GRIA3: variants seen among roughly 807,000 people sequenced by gnomAD.
The protein encoded by GRIA3 is glutamate ionotropic receptor AMPA type subunit 3.
A neutral mutation model predicts 63.0 loss-of-function variants in GRIA3; 3 were observed. The ratio of observed to expected loss-of-function variants is 0.05; its 90% CI spans 0.02 to 0.12. GRIA3 has a LOEUF of 0.12. GRIA3 is among the 10% of genes least tolerant of loss of function. GRIA3 has a pLI of 1.00. For synonymous variants in GRIA3, 274 were observed against 257.9 expected (o/e 1.06, Z -0.60); for missense variants, 347 against 700.9 (o/e 0.50, Z 5.70).
intron 2 of GRIA3, among the ~76,000 whole-genome samples, chrX:123,229,395 CT>C (rs1407948754): frequency 8.9e-6 from 1 of 111,948 alleles, no homozygotes; most frequent in South Asian, 3.7e-4. Flanking sequence ...ATCACAGTTA[CT>C]TTTTTTGCTT....
In GRIA3 at chrX:123,431,638, G is replaced by T. The variant is rs866482822; in HGVS notation, c.2076+3499G>T. ...ATGATTTGGAAAGCTGCACTGAAAT[G>T]ACCATTCTCCACTAGGTTTTGGAAA... On this transcript the variant is annotated intron_variant, in intron 12 of 15. Transcript: ENST00000620443. Among the ~76,000 whole-genome samples the T allele has an allele frequency of 1.9e-3, 214 of 112,280 alleles. 1 individual carries two copies. Among genetic ancestry groups the T allele is most frequent in the African/African-American group, 6.6e-3 (204 of 30,939 alleles).
chrX:123,430,199 C>T (rs1282574867), intron 12 of GRIA3, among the ~76,000 whole-genome samples: 8 of 112,296 alleles, frequency 7.1e-5, no homozygotes, highest in African/African-American at 2.3e-4. Context: ...GTTTCTAATG[C>T]TCATCAATTC....
intron 10 of GRIA3, among the ~76,000 whole-genome samples, chrX:123,408,065 G>A (rs1315060000): frequency 1.8e-5 from 2 of 110,811 alleles, no homozygotes; most frequent in Admixed American, 9.6e-5. Flanking sequence ...AGGTTCAAGC[G>A]ATTCTCCTGC....
chrX:123,192,183 A>G (rs927519679), intron 2 of GRIA3, among the ~76,000 whole-genome samples: 1 of 111,468 alleles, frequency 9.0e-6, no homozygotes, highest in Non-Finnish European at 1.9e-5. Flanking sequence ...CAACTTCTTC[A>G]TATTGAATCT....
At chrX:123,334,081 C>T (rs1452447942) in intron 4 of GRIA3, among the ~76,000 whole-genome samples, 1 of 111,645 alleles carries the variant, frequency 9.0e-6, no homozygotes, top group Non-Finnish European at 1.9e-5. Context: ...AATAATGCAA[C>T]CCAAACTACA....
intron 3 of GRIA3, among the ~76,000 whole-genome samples, chrX:123,323,630 A>C (rs1315617762): frequency 8.9e-6 from 1 of 111,986 alleles, no homozygotes; most frequent in East Asian, 2.8e-4. Flanking sequence ...TGGACAGACA[A>C]GTGTGGCTGC....
In GRIA3 at chrX:123,483,787, G is replaced by T. The variant is rs904691343; in HGVS notation, c.*2+741G>T. ...CTCTACTAAAAATACAAAAAATTAG[G>T]CGGGCATAGTGGCAGGCGCCTGTAG... On this transcript the variant is annotated intron_variant, in intron 15 of 15. Coordinates refer to ENST00000620443, the MANE Select transcript of GRIA3 (RefSeq NM_007325.5). Among the ~76,000 whole-genome samples, 7 of 111,179 alleles carry T rather than the reference G, an allele frequency of 6.3e-5. No homozygotes were observed. In the South Asian group the frequency reaches 2.7e-3, roughly 42 times the overall value.
intron 3 of GRIA3, among the ~76,000 whole-genome samples, chrX:123,304,952 T>C (rs1274349713): frequency 8.9e-6 from 1 of 112,057 alleles, no homozygotes; most frequent in East Asian, 2.8e-4. Flanking sequence ...CGTTGCCAAC[T>C]CTCAAAATGT....
chrX:123,346,185 T>C (rs146610206), intron 4 of GRIA3, among the ~76,000 whole-genome samples: 3,157 of 111,811 alleles, frequency 0.028, 55 homozygotes, highest in Non-Finnish European at 0.041. Flanking sequence ...CTCTCGACTA[T>C]TGTAATCCTT....
At chrX:123,356,173 G>A (rs2045132375) in intron 5 of GRIA3, among the ~76,000 whole-genome samples, 1 of 111,809 alleles carries the variant, frequency 8.9e-6, no homozygotes. Flanking sequence ...AGGATATATG[G>A]ATGTCACAAC....
At chrX:123,330,203 G>A (rs146532474) in intron 4 of GRIA3, among the ~76,000 whole-genome samples, 1,528 of 112,290 alleles carry the variant, frequency 0.014, 12 homozygotes, top group Non-Finnish European at 0.023. Flanking sequence ...TTTTCACATA[G>A]ATAATCTGAT....
chrX:123,344,833 A>G (rs961856086), intron 4 of GRIA3, among the ~76,000 whole-genome samples: 8 of 111,577 alleles, frequency 7.2e-5, no homozygotes, highest in Non-Finnish European at 1.5e-4. Flanking sequence ...TGAGGATCCC[A>G]TCATTGAGGG....
intron 5 of GRIA3, among the ~76,000 whole-genome samples, chrX:123,358,978 A>T (rs1161274926): frequency 9.0e-6 from 1 of 111,567 alleles, no homozygotes. Context: ...AATAAGAAGA[A>T]AAAAAAGCAC....
At chrX:123,240,492 A>T (rs190920083) in intron 2 of GRIA3, among the ~76,000 whole-genome samples, 1 of 111,806 alleles carries the variant, frequency 8.9e-6, no homozygotes, top group African/African-American at 3.2e-5. Flanking sequence ...GCTTTTCAAG[A>T]GTTGCTGTCC....
chrX:123,184,307 A>C lies in GRIA3; in HGVS notation c.-229A>C. ...AAGGAAGAGAGAGCGAGCGAGAGAG[A>C]GCGAGCGAATAAGAGAGAGAGTAAG... On this transcript the variant is annotated 5_prime_UTR_variant, in exon 1 of 16. Coordinates refer to ENST00000620443, the MANE Select transcript of GRIA3 (RefSeq NM_007325.5). The C allele has an allele frequency of 2.4e-6, 1 of 414,846 alleles. No homozygotes were observed. 34.2% of individuals were successfully genotyped at this position (414,846 alleles called of 1,213,427 possible).
At chrX:123,240,910 AT>A (rs1007248682) in intron 2 of GRIA3, among the ~76,000 whole-genome samples, 3 of 111,681 alleles carry the variant, frequency 2.7e-5, no homozygotes, top group East Asian at 5.7e-4. Context: ...TGTTCCAGTT[AT>A]TTTTTACCCA....
At chrX:123,419,235 C>T (rs2147394526) in intron 11 of GRIA3, among the ~76,000 whole-genome samples, 1 of 110,721 alleles carries the variant, frequency 9.0e-6, no homozygotes, top group South Asian at 3.9e-4. Context: ...TGGTGAAACC[C>T]CGTCTCTACT....
At chrX:123,325,964 T>C (rs2044899723) in intron 3 of GRIA3, 62 bp from the exon 4 acceptor site, 1 of 968,316 alleles carries the variant, frequency 1.0e-6, no homozygotes, top group Non-Finnish European at 1.5e-6. Context: ...AGAAATTCAG[T>C]AGAATCTTTA....
chrX:123,417,721 A>G lies in GRIA3; in HGVS notation c.1820A>G (p.Asn607Ser). The G allele has an allele frequency of 8.6e-7, 1 of 1,167,986 alleles. No individual in the cohort carries two copies. The highest frequency in any genetic ancestry group is 1.1e-6 in the Non-Finnish European group (1 of 873,776). ...PDPPNEFGIF[N>S]SLWFSLGAFM... is the part of the protein sequence containing the mutation. ...CCTCCAAATGAATTTGGAATATTTA[A>G]CAGTCTTTGGTTTTCCTTGGGTGCC... is the stretch of plus-strand genomic sequence containing the variant. The change falls in exon 11 of 16, where the codon AAC (asparagine) becomes AGC (serine). Residue 607 changes from asparagine to serine, a missense_variant. Around this residue, in one of 8 missense-constraint regions of GRIA3, gnomAD observed 19 missense variants for 30.9 expected, o/e 0.61. Coordinates refer to ENST00000620443, the MANE Select transcript of GRIA3 (RefSeq NM_007325.5).
Sources: allele counts gnomAD v4.1 joint callset (sites outside exome capture counted in the v4.1 genomes callset), GRCh38; gene constraint gnomAD v4.1.1; regional missense constraint gnomAD v4.1.1; transcripts MANE v1.5; gene names NCBI Gene and HGNC (gene_info 2026-07-23, HGNC 2026-07-21).